Variants in MRM1 observed in about 807,000 individuals in gnomAD.
MRM1 encodes the protein rRNA methyltransferase 1, mitochondrial.
MRM1 carries 24 observed loss-of-function variants against 25.0 expected under a neutral mutation model. The ratio of observed to expected loss-of-function variants is 0.96; its 90% CI spans 0.69 to 1.35. MRM1 has a LOEUF of 1.35. MRM1 is among the 40% of genes most tolerant of loss of function. The probability of loss-of-function intolerance (pLI) is 0.00; values close to 1 mark genes in which losing one functional copy is unlikely to be tolerated. For missense variants in MRM1, 431 were observed against 464.1 expected (o/e 0.93, Z 0.65); for synonymous variants, 188 against 199.2 (o/e 0.94, Z 0.47).
intron 2 of MRM1, among the ~76,000 whole-genome samples, chr17:36,607,007 C>G (rs1445712640): frequency 6.6e-6 from 1 of 151,610 alleles, no homozygotes; most frequent in African/African-American, 2.4e-5. Context: ...CTCTGCCTCC[C>G]GAGTTCAAGC....
chr17:36,629,589 G>A, the MRM1 span, among the ~76,000 whole-genome samples: 3 of 152,234 alleles, frequency 2.0e-5, no homozygotes, highest in Admixed American at 1.3e-4. Flanking sequence ...AAGGGGCGCC[G>A]GAGATGTCAG....
chr17:36,629,356 G>A, the MRM1 span, among the ~76,000 whole-genome samples: 1 of 152,168 alleles, frequency 6.6e-6, no homozygotes, highest in African/African-American at 2.4e-5. Flanking sequence ...TGAGTCTGAG[G>A]GCGTCTCCCC....
Position 36,607,758 on chromosome 17 carries a change from G to A in MRM1, c.725G>A (p.Ser242Asn), listed in dbSNP as rs762334534. The part of the protein sequence containing the change: ...DPQSSEIPIM[S>N]CLEFLWERPT... ...CAGTCCTCCGAGATCCCCATCATGA[G>A]TTGCTTGGAGTTCCTCTGGGAACGG... The change falls in exon 3 of 5, where the codon AGT (serine) becomes AAT (asparagine). Residue 242 changes from serine to asparagine, a missense_variant. Ser to Asn is a conservative substitution (Grantham distance 46). Transcript: ENST00000614766. 26 of 1,614,162 alleles carry A rather than the reference G, an allele frequency of 1.6e-5. No individual in the cohort carries two copies. The East Asian group carries it at 5.8e-4, about 36-fold the overall frequency.
At chr17:36,623,693 C>T in the MRM1 span, among the ~76,000 whole-genome samples, 1 of 152,194 alleles carries the variant, frequency 6.6e-6, no homozygotes, top group East Asian at 1.9e-4. Flanking sequence ...CCTTGCGCTG[C>T]CCCTGCTCAG....
At chr17:36,618,513 C>CT in the MRM1 span, among the ~76,000 whole-genome samples, 8 of 152,198 alleles carry the variant, frequency 5.3e-5, no homozygotes, top group East Asian at 1.6e-3. Flanking sequence ...AGTGGAAACT[C>CT]TAAGTGCAAA....
the MRM1 span, among the ~76,000 whole-genome samples, chr17:36,616,344 GA>G: frequency 6.6e-6 from 1 of 152,240 alleles, no homozygotes; most frequent in African/African-American, 2.4e-5. Flanking sequence ...AGGCAAGTCA[GA>G]AATCATCCCC....
the MRM1 span, among the ~76,000 whole-genome samples, chr17:36,633,466 A>G: frequency 6.6e-6 from 1 of 152,178 alleles, no homozygotes; most frequent in Admixed American, 6.5e-5. Context: ...CTTCCTTCGA[A>G]GAACAGATAC....
the MRM1 span, among the ~76,000 whole-genome samples, chr17:36,623,647 G>A: frequency 6.6e-6 from 1 of 152,320 alleles, no homozygotes; most frequent in Non-Finnish European, 1.5e-5. Flanking sequence ...CAGCTCCTAT[G>A]CTGGGACCCC....
In MRM1 at chr17:36,602,476, C is replaced by G; in HGVS notation, c.543-77C>G. The G allele has an allele frequency of 6.2e-7, 1 of 1,605,132 alleles. No homozygotes were observed. The highest frequency in any genetic ancestry group is 8.5e-7 in the Non-Finnish European group (1 of 1,173,404). On this transcript the variant is annotated intron_variant, in intron 1 of 4. Coordinates refer to ENST00000614766, the MANE Select transcript of MRM1 (RefSeq NM_024864.5). The surrounding 1 kb of genome is among the most constrained non-coding windows in gnomAD (Gnocchi z 4.1). ...GTCCCAGAACTCTCATCCCCCTAGC[C>G]CTTGGGAGCCCTGGGAGGGTAGGGA...
the MRM1 span, among the ~76,000 whole-genome samples, chr17:36,617,790 C>G: frequency 1.3e-5 from 2 of 152,140 alleles, no homozygotes; most frequent in African/African-American, 2.4e-5. Flanking sequence ...TTCTCCTCCC[C>G]CTTCACCTCT....
chr17:36,634,492 CTTCCACTGGGT>C, the MRM1 span: 1 of 152,208 alleles, frequency 6.6e-6, no homozygotes, highest in Admixed American at 6.5e-5. Context: ...TGTCACTGCC[CTTCCACTGGGT>C]TTCCTGCTTT....
intron 2 of MRM1, among the ~76,000 whole-genome samples, chr17:36,603,736 T>G (rs779075093): frequency 4.6e-5 from 7 of 152,214 alleles, no homozygotes; most frequent in Non-Finnish European, 1.0e-4. Context: ...TTACATTCCT[T>G]TAAAAAATGT....
the MRM1 span, among the ~76,000 whole-genome samples, chr17:36,633,027 A>G: frequency 2.0e-5 from 3 of 152,228 alleles, no homozygotes; most frequent in East Asian, 5.8e-4. Flanking sequence ...AGCGGGATAT[A>G]TTGGGAAAAG....
chr17:36,608,749 G>A lies in MRM1; in HGVS notation c.*334G>A, dbSNP rs998116788. Reference sequence around the variant, plus strand: ...GCAGGCAGCCCAGCCCAGGGGACCCGTTCCTCTTGAACCAGTCATTGCCTG... The same window carrying A: ...GCAGGCAGCCCAGCCCAGGGGACCCATTCCTCTTGAACCAGTCATTGCCTG... On this transcript the variant is annotated 3_prime_UTR_variant, in exon 5 of 5. Transcript: ENST00000614766. 1 of 289,168 alleles carries A rather than the reference G, an allele frequency of 3.5e-6. No individual in the cohort carries two copies. The allele number at this position is 289,168 out of a possible 1,614,324, so 17.9% of individuals were successfully genotyped here.
Position 36,601,663 on chromosome 17 carries a change from C to T in MRM1, c.-148C>T, listed in dbSNP as rs76070990. 9,557 of 808,070 alleles carry T rather than the reference C, an allele frequency of 0.012. 336 individuals are homozygous for T. The highest frequency in any genetic ancestry group is 0.086 in the East Asian group (3,054 of 35,410). 50.1% of individuals were successfully genotyped at this position (808,070 alleles called of 1,614,324 possible). On this transcript the variant is annotated 5_prime_UTR_variant, in exon 1 of 5. Coordinates refer to ENST00000614766, the MANE Select transcript of MRM1 (RefSeq NM_024864.5). ...GTAGTCCAGTTGTGGGTAATCGGGG[C>T]TGTTTGTTCCTGTCCGAGAGAGCTC...
At chr17:36,634,615 GT>G in the MRM1 span, 2 of 152,196 alleles carry the variant, frequency 1.3e-5, no homozygotes, top group Non-Finnish European at 1.5e-5. Flanking sequence ...GGATCATTTT[GT>G]TTGGTCACTC....
At chr17:36,612,450 A>G (rs2074982451), downstream of MRM1, among the ~76,000 whole-genome samples, 1 of 152,210 alleles carries the variant, frequency 6.6e-6, no homozygotes, top group Non-Finnish European at 1.5e-5. Context: ...ATTCTCCTTT[A>G]GGCAGCCTCT....
At chr17:36,631,386 G>A in the MRM1 span, among the ~76,000 whole-genome samples, 1 of 152,240 alleles carries the variant, frequency 6.6e-6, no homozygotes, top group East Asian at 1.9e-4. Context: ...GCATGTATTT[G>A]TGCACATGTG....
the MRM1 span, among the ~76,000 whole-genome samples, chr17:36,624,014 CA>C: frequency 6.6e-6 from 1 of 152,190 alleles, no homozygotes; most frequent in East Asian, 1.9e-4. This position sits in a 1 kb window ranked among gnomAD's most constrained non-coding sequence, Gnocchi z 4.0. Context: ...TGATTGTGGC[CA>C]AGCCTTGGAT....
Sources: gnomAD v4.1 joint callset for allele counts (sites outside exome capture counted in the v4.1 genomes callset) on GRCh38, gnomAD v4.1.1 for gene constraint, Gnocchi (gnomAD v3.1) non-coding constraint, MANE v1.5 for transcripts, NCBI Gene and HGNC (gene_info 2026-07-23, HGNC 2026-07-21) for gene names.